LCP1: variants seen among roughly 807,000 people sequenced by gnomAD.
LCP1 encodes the protein plastin-2.
LCP1 carries 23 observed loss-of-function variants against 72.0 expected under a neutral mutation model. The observed-to-expected ratio is 0.32, with a 90% CI of 0.23 to 0.45. The LOEUF (loss-of-function observed/expected upper bound fraction) is 0.45, where lower values mean the gene tolerates loss of function less well. Ranked by LOEUF, LCP1 falls within the 20% of genes least tolerant of loss-of-function variation. The pLI is 1.00. For missense variants in LCP1, 571 were observed against 748.3 expected (o/e 0.76, Z 2.76); for synonymous variants, 245 against 275.4 (o/e 0.89, Z 1.09).
At chr13:46,135,140 A>G (rs1285490812) in intron 13 of LCP1, among the ~76,000 whole-genome samples, 6 of 148,708 alleles carry the variant, frequency 4.0e-5, no homozygotes, top group Non-Finnish European at 7.5e-5. Flanking sequence ...AAAAAAACCC[A>G]CACTGTCTCT....
At chr13:46,142,639 G>T in intron 12 of LCP1, 1 of 588,326 alleles carries the variant, frequency 1.7e-6, no homozygotes. Context: ...TATTCATAAT[G>T]TGGAAAACTG....
In LCP1 at chr13:46,158,641, C is replaced by G; in HGVS notation, c.239G>C (p.Gly80Ala). 6.2e-7 allele frequency: 1 copy of G among 1,613,862 alleles called. No individual in the cohort carries two copies. The highest frequency in any genetic ancestry group is 2.2e-5 in the East Asian group (1 of 44,870). Residue 80 changes from glycine (G) to alanine (A), a missense_variant, in exon 4 of 16, where the codon GGC (glycine) becomes GCC (alanine). Coordinates refer to ENST00000323076, the MANE Select transcript of LCP1 (RefSeq NM_002298.5). ...CTTGGCAACATCTGTGCTTTTTAGGCCATGGAAAATCTGCAAAAATATAAT... is the reference window on the plus strand; with the variant it reads ...CTTGGCAACATCTGTGCTTTTTAGGGCATGGAAAATCTGCAAAAATATAAT... ...SFDEFIKIFH[G>A]LKSTDVAKTF...
intron 1 of LCP1, among the ~76,000 whole-genome samples, chr13:46,181,819 G>C (rs1429249931): frequency 6.6e-6 from 1 of 152,156 alleles, no homozygotes; most frequent in East Asian, 1.9e-4. Flanking sequence ...AAATAAACCA[G>C]AACATGGTTT....
At chr13:46,163,314 T>C (rs1297475532) in intron 1 of LCP1, among the ~76,000 whole-genome samples, 1 of 152,240 alleles carries the variant, frequency 6.6e-6, no homozygotes, top group Non-Finnish European at 1.5e-5. Flanking sequence ...TGCCTTGGGA[T>C]GCTGTTAATC....
chr13:46,127,770 A>G (rs966897117), intron 15 of LCP1, 47 bp from the exon 16 acceptor site: 13 of 1,609,436 alleles, frequency 8.1e-6, no homozygotes, highest in Non-Finnish European at 1.0e-5. Flanking sequence ...GAGAAACACA[A>G]CACGAATGGG....
chr13:46,134,853 C>T (rs575763366), intron 13 of LCP1, among the ~76,000 whole-genome samples: 6 of 152,136 alleles, frequency 3.9e-5, no homozygotes, highest in South Asian at 2.1e-4. Flanking sequence ...CCAGTAATCC[C>T]GGCACTTTAG....
At chr13:46,138,669 C>A (rs2045679553) in intron 13 of LCP1, among the ~76,000 whole-genome samples, 1 of 152,116 alleles carries the variant, frequency 6.6e-6, no homozygotes, top group Non-Finnish European at 1.5e-5. Flanking sequence ...TTTTCTGAGA[C>A]AGAGTCTCGC....
Position 46,127,650 on chromosome 13 carries a change from G to T in LCP1, c.1825C>A (p.Pro609Thr). The T allele has an allele frequency of 1.9e-6, 3 of 1,614,152 alleles. No individual in the cohort carries two copies. The highest frequency in any genetic ancestry group is 2.5e-6 in the Non-Finnish European group (3 of 1,180,016). ...GCAAACACGGTCATGACCATTTTGG[G>T]GTTCACTTCAACCAGGTCTTCTGGC... ...ALPEDLVEVN[P>T]KMVMTVFACL... Residue 609 changes from proline to threonine, a missense_variant, in exon 16 of 16, where the codon CCC becomes ACC. Coordinates refer to ENST00000323076, the MANE Select transcript of LCP1 (RefSeq NM_002298.5).
At chr13:46,134,667 A>C (rs2045653375) in intron 13 of LCP1, among the ~76,000 whole-genome samples, 1 of 152,206 alleles carries the variant, frequency 6.6e-6, no homozygotes. Context: ...TTTTTGCCTT[A>C]TATAAGTAAA....
intron 1 of LCP1, among the ~76,000 whole-genome samples, chr13:46,171,842 C>A (rs1239573625): frequency 6.6e-6 from 1 of 152,266 alleles, no homozygotes; most frequent in Non-Finnish European, 1.5e-5. Context: ...CAATTTTCTT[C>A]AATACAGTCA....
chr13:46,163,112 C>T (rs1198745289), intron 1 of LCP1, among the ~76,000 whole-genome samples: 2 of 151,756 alleles, frequency 1.3e-5, no homozygotes, highest in South Asian at 2.1e-4. Flanking sequence ...CCCCTCTGCC[C>T]GGCCGCCACC....
At chr13:46,172,935 AG>A (rs1312201172) in intron 1 of LCP1, among the ~76,000 whole-genome samples, 1 of 152,218 alleles carries the variant, frequency 6.6e-6, no homozygotes, top group African/African-American at 2.4e-5. Context: ...AAGAGAAGTA[AG>A]TGGAACCTCT....
Position 46,127,033 on chromosome 13 carries a change from A to C in LCP1, c.*558T>G. 1 of 231,558 alleles carries C rather than the reference A, an allele frequency of 4.3e-6. No homozygotes were observed. Among genetic ancestry groups the C allele is most frequent in the Non-Finnish European group, 8.5e-6 (1 of 117,068 alleles). The allele number at this position is 231,558 out of a possible 1,614,324, so 14.3% of individuals were successfully genotyped here. On this transcript the variant is annotated 3_prime_UTR_variant, in exon 16 of 16. Transcript: ENST00000323076. ...ACACACTCCAAGTGGCCCAGAGACA[A>C]GGACGGCCAGAAGAGATGGGCCCCC...
Position 46,145,908 on chromosome 13 carries a change from C to CAAAAAA in LCP1, c.1174+994_1174+999dup, listed in dbSNP as rs527364466. Among the ~76,000 whole-genome samples, 3 of 11,362 alleles carry CAAAAAA rather than the reference C, an allele frequency of 2.6e-4. 1 individual carries two copies. Among genetic ancestry groups the CAAAAAA allele is most frequent in the Non-Finnish European group, 3.9e-4 (3 of 7,738 alleles). The allele number at this position is 11,362 out of a possible 152,430, so 7.5% of individuals were successfully genotyped here. A position where few individuals can be genotyped will look rare whatever the true frequency, so the allele number is the denominator to read the frequency against. ...TGGGCGACAGAGCGAGACTCCGTCTCAAAAAAAAAAAAAAAAAAAAAAAAA... is the reference window on the plus strand; with the variant it reads ...TGGGCGACAGAGCGAGACTCCGTCTCAAAAAAAAAAAAAAAAAAAAAAAAAAAAAAA... On this transcript the variant is annotated intron_variant, in intron 10 of 15. Transcript: ENST00000323076.
rs2045724827 is a variant in LCP1, at chr13:46,145,626, C to A, written c.1175-1106G>T. Among the ~76,000 whole-genome samples, 2 of 135,054 alleles carry A rather than the reference C, an allele frequency of 1.5e-5. 1 individual carries two copies. The highest frequency in any genetic ancestry group is 6.0e-5 in the African/African-American group (2 of 33,142). 88.6% of individuals were successfully genotyped at this position (135,054 alleles called of 152,430 possible). ...GAAATGGAGCATTTCTAAAAGAGGG[C>A]AGGCCGGGCGCGGTGGCTCACGCCT... On this transcript the variant is annotated intron_variant, in intron 10 of 15. Coordinates refer to ENST00000323076, the MANE Select transcript of LCP1 (RefSeq NM_002298.5).
intron 1 of LCP1, among the ~76,000 whole-genome samples, chr13:46,165,662 T>A (rs2045872445): frequency 6.6e-6 from 1 of 152,148 alleles, no homozygotes; most frequent in Non-Finnish European, 1.5e-5. Context: ...CTGCATTGAG[T>A]GTGGCCCTTT....
chr13:46,150,592 T>C (rs1453461622), intron 8 of LCP1, among the ~76,000 whole-genome samples: 4 of 152,242 alleles, frequency 2.6e-5, no homozygotes, highest in Admixed American at 2.6e-4. Flanking sequence ...TCCCATCTGC[T>C]GCTCCCATTT....
intron 7 of LCP1, among the ~76,000 whole-genome samples, chr13:46,151,945 A>G (rs765508134): frequency 2.0e-5 from 3 of 152,258 alleles, no homozygotes; most frequent in Non-Finnish European, 4.4e-5. Flanking sequence ...GTGAGAGAAG[A>G]CGCAATAAGA....
At chr13:46,150,756 T>C (rs1479133406) in intron 8 of LCP1, among the ~76,000 whole-genome samples, 180 bp downstream of exon 8, 2 of 152,172 alleles carry the variant, frequency 1.3e-5, no homozygotes, top group East Asian at 3.8e-4. Context: ...CAGGTCTGTG[T>C]ATGGCCCAGG....
Sources: gnomAD v4.1 joint callset for allele counts (sites outside exome capture counted in the v4.1 genomes callset) on GRCh38, gnomAD v4.1.1 for gene constraint, MANE v1.5 for transcripts, NCBI Gene and HGNC (gene_info 2026-07-23, HGNC 2026-07-21) for gene names.